DAO: variants seen among roughly 807,000 people sequenced by gnomAD.
The protein encoded by DAO is D-amino-acid oxidase.
A neutral mutation model predicts 50.1 loss-of-function variants in DAO; 51 were observed. The ratio of observed to expected loss-of-function variants is 1.02; its 90% CI spans 0.81 to 1.29. The LOEUF is 1.29. Ranked by LOEUF, DAO falls within the 50% of genes most tolerant of loss-of-function variation. The pLI, the probability that DAO is intolerant of heterozygous loss-of-function variation, is 0.00. For synonymous variants in DAO, 160 were observed against 166.2 expected, an observed-to-expected ratio of 0.96 and a Z score of 0.29; for missense variants, 436 against 439.4, an observed-to-expected ratio of 0.99 and a Z score of 0.07.
intron 6 of DAO, among the ~76,000 whole-genome samples, chr12:108,893,280 A>G (rs1189597306): frequency 2.0e-5 from 3 of 152,150 alleles, no homozygotes; most frequent in Non-Finnish European, 2.9e-5. Context: ...CTGAGACTCA[A>G]TGAGTTTTGG....
At chr12:108,897,193 A>G (rs955062783) in intron 8 of DAO, 105 bp downstream of exon 8, 64 of 805,442 alleles carry the variant, frequency 7.9e-5, no homozygotes, top group Middle Eastern at 2.2e-4. Context: ...GTTCCCTTTC[A>G]ATGTTTTTAT....
chr12:108,886,928 A>G (rs2039441775), intron 2 of DAO, among the ~76,000 whole-genome samples: 1 of 152,230 alleles, frequency 6.6e-6, no homozygotes, highest in Admixed American at 6.5e-5. Flanking sequence ...CAGAAGGATC[A>G]TGCAGGACCA....
rs1207752179 is a variant in DAO, at chr12:108,885,179, A to T, written c.173A>T (p.Asp58Val). 1.2e-6 allele frequency: 2 copies of T among 1,613,060 alleles called. No individual in the cohort carries two copies. The stretch of plus-strand genomic sequence containing the variant: ...GGCCTCTGGCAGCCCTACCTTTCTG[A>T]CCCCAACAACCCACAGGAGGCGTGA... ...AAGLWQPYLS[D>V]PNNPQEADWS... Residue 58 changes from aspartate (D) to valine (V), a missense_variant, in exon 2 of 11, where the codon GAC becomes GTC. Asp to Val is a radical substitution (Grantham distance 152, BLOSUM62 -3). Coordinates refer to ENST00000228476, the MANE Select transcript of DAO (RefSeq NM_001917.5).
rs1247588505 is a variant in DAO, at chr12:108,900,772, G to A, written c.*237G>A. The A allele has an allele frequency of 2.2e-6, 1 of 459,054 alleles. No homozygotes were observed. The highest frequency in any genetic ancestry group is 4.0e-6 in the Non-Finnish European group (1 of 249,036). 28.4% of individuals were successfully genotyped at this position (459,054 alleles called of 1,614,324 possible). A position where few individuals can be genotyped will look rare whatever the true frequency, so the allele number is the denominator to read the frequency against. On this transcript the variant is annotated 3_prime_UTR_variant, in exon 11 of 11. Coordinates refer to ENST00000228476, the MANE Select transcript of DAO (RefSeq NM_001917.5). ...TCTGGCATTATAAAGAACAGCTGAG[G>A]CTGTCATTCCATGAGTCTTCAGAAG...
intron 10 of DAO, chr12:108,899,970 G>A (rs984702665): frequency 3.3e-6 from 1 of 305,994 alleles, no homozygotes; most frequent in Non-Finnish European, 6.3e-6. Context: ...AGGAAAATGT[G>A]TACTTACTGG....
rs1039685563 is a variant in DAO, at chr12:108,900,561, C to A, written c.*26C>A. On this transcript the variant is annotated 3_prime_UTR_variant, in exon 11 of 11. Coordinates refer to ENST00000228476, the MANE Select transcript of DAO (RefSeq NM_001917.5). ...AGACTCCAGTGACTGCTGCCTCCCC[C>A]CACAAGAACTCCCTTCTCCCCTCAG... is the stretch of plus-strand genomic sequence containing the variant. 3 of 1,612,888 alleles carry A rather than the reference C, an allele frequency of 1.9e-6. No homozygotes were observed. In the African/African-American group the frequency reaches 4.0e-5, roughly 22 times the overall value.
At chr12:108,890,167 T>G (rs2039475630) in intron 4 of DAO, 41 bp from the exon 5 acceptor site, 1 of 1,550,986 alleles carries the variant, frequency 6.4e-7, no homozygotes, top group African/African-American at 1.4e-5. Context: ...ATAGCTCTGA[T>G]TTTTACCTTT....
At chr12:108,890,628 T>C (rs1039957931) in intron 5 of DAO, among the ~76,000 whole-genome samples, 7 of 152,156 alleles carry the variant, frequency 4.6e-5, no homozygotes, top group Non-Finnish European at 8.8e-5. Flanking sequence ...TCTCCCTCTC[T>C]CTTTTTTTTT....
chr12:108,885,133 A>C lies in DAO; in HGVS notation c.127A>C (p.Thr43Pro). ...CTACGCGGACCGCTTCACCCCACTC[A>C]CCACCACCGACGTGGCTGCCGGCCT... ...KVYADRFTPL[T>P]TTDVAAGLWQ... Residue 43 changes from threonine to proline, a missense_variant, in exon 2 of 11, where the codon ACC becomes CCC. Physicochemically the swap from Thr to Pro is conservative, Grantham distance 38. Transcript: ENST00000228476. The C allele has an allele frequency of 6.2e-7, 1 of 1,613,104 alleles. No individual in the cohort carries two copies. Among genetic ancestry groups the C allele is most frequent in the Non-Finnish European group, 8.5e-7 (1 of 1,179,316 alleles).
intron 7 of DAO, among the ~76,000 whole-genome samples, chr12:108,895,251 A>G (rs1260077476): frequency 6.6e-6 from 1 of 151,292 alleles, no homozygotes; most frequent in Admixed American, 6.6e-5. Flanking sequence ...ATATGAGGGT[A>G]TGTGTGTGTG....
intron 9 of DAO, among the ~76,000 whole-genome samples, 193 bp from the exon 10 acceptor site, chr12:108,899,184 A>T (rs2039595438): frequency 6.6e-6 from 1 of 152,084 alleles, no homozygotes; most frequent in Non-Finnish European, 1.5e-5. Flanking sequence ...ATTGGTGGAA[A>T]GGTGGAAGCA....
At chr12:108,885,249 C>G (rs779189467) in intron 2 of DAO, 49 bp downstream of exon 2, 1 of 1,563,336 alleles carries the variant, frequency 6.4e-7, no homozygotes, top group Non-Finnish European at 8.7e-7. Context: ...GGACCTAAGT[C>G]TGCAGAGGGA....
intron 7 of DAO, among the ~76,000 whole-genome samples, chr12:108,894,994 G>A (rs184902988): frequency 5.4e-4 from 83 of 152,326 alleles, no homozygotes; most frequent in African/African-American, 2.0e-3. Context: ...GGGATTACAG[G>A]CGTGAGCCAC....
exon 11 of DAO, chr12:108,901,025 G>GAGAAAATGCTGGAACAGATTTTGTTGTA (rs1254346797): frequency 5.2e-6 from 1 of 193,872 alleles, no homozygotes; most frequent in Non-Finnish European, 1.1e-5. Flanking sequence ...ACACAAATCT[G>GAGAAAATGCTGGAACAGATTTTGTTGTA]AGAAAATGCT....
chr12:108,882,300 G>T (rs2039390294), intron 1 of DAO, among the ~76,000 whole-genome samples: 1 of 152,178 alleles, frequency 6.6e-6, no homozygotes, highest in South Asian at 2.1e-4. Flanking sequence ...ATCACCTGAG[G>T]TCAGAAGTTT....
At position 108,893,019 on chromosome 12, in the gene DAO, G is replaced by T. The variant is rs1451688633; in HGVS notation, c.490G>T (p.Val164Leu). The change falls in exon 6 of 11, where the codon GTG (valine) becomes TTG (leucine). Residue 164 changes from valine (V) to leucine (L), a missense_variant. Coordinates refer to ENST00000228476, the MANE Select transcript of DAO (RefSeq NM_001917.5). ...ERGVKFFQRK[V>L]ESFEEVAREG... is the part of the protein sequence containing the mutation. ...GGGAGTGAAGTTCTTCCAGCGGAAAGTGGAGTCTTTTGAGGAGGTGAGTTG... is the reference window on the plus strand; with the variant it reads ...GGGAGTGAAGTTCTTCCAGCGGAAATTGGAGTCTTTTGAGGAGGTGAGTTG... 1 of 1,613,932 alleles carries T rather than the reference G, an allele frequency of 6.2e-7. No homozygotes were observed. Among genetic ancestry groups the T allele is most frequent in the Non-Finnish European group, 8.5e-7 (1 of 1,179,976 alleles).
At chr12:108,889,368 C>T in intron 3 of DAO, 101 bp from the exon 4 acceptor site, 1 of 772,778 alleles carries the variant, frequency 1.3e-6, no homozygotes, top group Non-Finnish European at 2.3e-6. Flanking sequence ...TCTCAGCTTC[C>T]CAAAGTGCTG....
At chr12:108,883,940 C>G (rs2039407161) in intron 1 of DAO, among the ~76,000 whole-genome samples, 1 of 152,364 alleles carries the variant, frequency 6.6e-6, no homozygotes, top group Admixed American at 6.5e-5. Flanking sequence ...GAGCTGAGGT[C>G]TGCGGGAGGA....
chr12:108,886,903 A>T (rs1342155992), intron 2 of DAO, among the ~76,000 whole-genome samples: 1 of 152,142 alleles, frequency 6.6e-6, no homozygotes, highest in Non-Finnish European at 1.5e-5. Context: ...CACCATTCAC[A>T]TGGGCTGGTG....
Sources: gnomAD v4.1 joint callset for allele counts (sites outside exome capture counted in the v4.1 genomes callset) on GRCh38, gnomAD v4.1.1 for gene constraint, MANE v1.5 for transcripts, NCBI Gene and HGNC (gene_info 2026-07-23, HGNC 2026-07-21) for gene names.